Variants in FBXO16 observed in about 807,000 individuals in gnomAD.
The protein encoded by FBXO16 is F-box protein 16, also known as F-box only protein 16.
FBXO16 carries 31 observed loss-of-function variants against 41.0 expected under a neutral mutation model. That is an observed-to-expected ratio of 0.76 (90% confidence interval 0.57 to 1.02). The LOEUF is 1.02. FBXO16 is among the 50% of genes least tolerant of loss of function. FBXO16 has a pLI of 0.00. For missense variants in FBXO16, 361 were observed against 346.2 expected, an observed-to-expected ratio of 1.04 and a Z score of -0.34; for synonymous variants, 133 against 117.8, an observed-to-expected ratio of 1.13 and a Z score of -0.84.
intron 6 of FBXO16, among the ~76,000 whole-genome samples, chr8:28,448,068 GGTGA>G (rs1554525464): frequency 1.3e-5 from 2 of 152,166 alleles, no homozygotes; most frequent in Non-Finnish European, 2.9e-5. Flanking sequence ...AGCTGGGCAC[GGTGA>G]CTCATGCCCG....
chr8:28,479,425 T>G (rs1803477038), intron 2 of FBXO16, among the ~76,000 whole-genome samples: 1 of 152,172 alleles, frequency 6.6e-6, no homozygotes, highest in African/African-American at 2.4e-5. Context: ...TCAGGCAATT[T>G]TTTGCCTCCT....
At chr8:28,444,858 C>G (rs1415797122) in intron 7 of FBXO16, among the ~76,000 whole-genome samples, 1 of 145,762 alleles carries the variant, frequency 6.9e-6, no homozygotes, top group Admixed American at 6.9e-5. Flanking sequence ...GTCTCAATCC[C>G]CTAACCTCGT....
intron 7 of FBXO16, among the ~76,000 whole-genome samples, chr8:28,441,930 G>A (rs1223635789): frequency 3.3e-4 from 40 of 121,936 alleles, no homozygotes; most frequent in African/African-American, 1.6e-3. Context: ...GTGTGTGTGT[G>A]TGTGTGTGTG....
At chr8:28,446,763 T>C (rs1005014423) in intron 7 of FBXO16, among the ~76,000 whole-genome samples, 8 of 151,708 alleles carry the variant, frequency 5.3e-5, no homozygotes, top group Admixed American at 3.9e-4. Context: ...CCCAGCTACT[T>C]GGGAGGCTGA....
Position 28,452,923 on chromosome 8 carries a change from G to T in FBXO16, c.508-447C>A, listed in dbSNP as rs868797504. ...TGAAGGATAAAAAAATAAAAAAAAA[G>T]AAAAAAAGGAATATCATCATCATCA... On this transcript the variant is annotated intron_variant, in intron 5 of 8. Transcript: ENST00000380254. Among the ~76,000 whole-genome samples, 117 of 143,130 alleles carry T rather than the reference G, an allele frequency of 8.2e-4. No individual in the cohort carries two copies. The Middle Eastern group carries it at 0.01, about 13-fold the overall frequency. The allele number at this position is 143,130 out of a possible 152,430, so 93.9% of individuals were successfully genotyped here.
intron 4 of FBXO16, among the ~76,000 whole-genome samples, chr8:28,462,012 T>A (rs562728987): frequency 6.6e-6 from 1 of 152,084 alleles, no homozygotes; most frequent in Non-Finnish European, 1.5e-5. Flanking sequence ...CAGTCATAGT[T>A]CACTGAAGCC....
chr8:28,440,796 C>G (rs1056421473), intron 7 of FBXO16, among the ~76,000 whole-genome samples: 6 of 152,160 alleles, frequency 3.9e-5, no homozygotes, highest in African/African-American at 7.2e-5. Flanking sequence ...AAACGGCAGG[C>G]TTTTTGAAAT....
At chr8:28,486,036 G>A (rs1803596259) in intron 1 of FBXO16, among the ~76,000 whole-genome samples, 1 of 151,302 alleles carries the variant, frequency 6.6e-6, no homozygotes, top group African/African-American at 2.4e-5. Flanking sequence ...AACCCAGGAG[G>A]TGGAGGTTGC....
chr8:28,476,763 C>T (rs896375519), intron 2 of FBXO16, among the ~76,000 whole-genome samples: 9 of 152,078 alleles, frequency 5.9e-5, no homozygotes, highest in African/African-American at 2.2e-4. Context: ...TTGATGGTAA[C>T]TGGGTGCTTT....
chr8:28,452,047 C>CA (rs112648945), intron 6 of FBXO16, among the ~76,000 whole-genome samples, 197 bp downstream of exon 6: 5,490 of 149,344 alleles, frequency 0.037, 277 homozygotes, highest in African/African-American at 0.12. Context: ...ATTACTATTA[C>CA]AAAATGCAAA....
Position 28,444,459 on chromosome 8 carries a change from T to G in FBXO16, c.843+2712A>C, listed in dbSNP as rs1563359656. ...CTGGTACTACAGGCGTGTGCCAACATGCCCGGCTAATTTTTTCTTTTCTTT... is the reference window on the plus strand; with the variant it reads ...CTGGTACTACAGGCGTGTGCCAACAGGCCCGGCTAATTTTTTCTTTTCTTT... On this transcript the variant is annotated intron_variant, in intron 7 of 8. Transcript: ENST00000380254. 2.7e-5 allele frequency among the ~76,000 whole-genome samples: 4 copies of G among 149,256 alleles called. No individual in the cohort carries two copies. The South Asian group carries it at 8.5e-4, about 32-fold the overall frequency.
At chr8:28,453,751 T>A (rs939458411) in intron 5 of FBXO16, among the ~76,000 whole-genome samples, 6 of 151,972 alleles carry the variant, frequency 3.9e-5, no homozygotes, top group Non-Finnish European at 1.5e-5. Context: ...TAACGCTTAG[T>A]ACTCAGTGTT....
chr8:28,474,827 T>A (rs147602822), intron 2 of FBXO16, among the ~76,000 whole-genome samples: 56 of 152,356 alleles, frequency 3.7e-4, no homozygotes, highest in African/African-American at 1.3e-3. Context: ...ATTGAAAGAA[T>A]GTGATTGTGA....
intron 5 of FBXO16, among the ~76,000 whole-genome samples, chr8:28,454,741 AAAAAAAAAAAGG>A (rs1359784007): frequency 6.6e-5 from 7 of 105,416 alleles, no homozygotes; most frequent in African/African-American, 1.6e-4. Context: ...AAAAAAAAAA[AAAAAAAAAAAGG>A]ATCATTAATT....
intron 7 of FBXO16, among the ~76,000 whole-genome samples, chr8:28,443,021 T>C (rs1433413166): frequency 7.2e-6 from 1 of 139,282 alleles, no homozygotes; most frequent in Non-Finnish European, 1.5e-5. Flanking sequence ...ATATTACTTG[T>C]ACTTTTTTTT....
intron 3 of FBXO16, among the ~76,000 whole-genome samples, chr8:28,472,855 G>A (rs1447233116): frequency 6.6e-6 from 1 of 152,198 alleles, no homozygotes; most frequent in Admixed American, 6.5e-5. Flanking sequence ...AACTGAGGGA[G>A]GAGAAACTTA....
intron 6 of FBXO16, 107 bp downstream of exon 6, chr8:28,452,137 A>G (rs1030095756): frequency 4.5e-6 from 5 of 1,105,682 alleles, no homozygotes; most frequent in Non-Finnish European, 6.4e-6. Context: ...TGTACTGAAA[A>G]GCTTTTGTAT....
chr8:28,475,495 G>A (rs915197292), intron 2 of FBXO16, among the ~76,000 whole-genome samples: 1 of 152,212 alleles, frequency 6.6e-6, no homozygotes, highest in Non-Finnish European at 1.5e-5. Context: ...AGGAGAATCT[G>A]TAGAACACAG....
intron 3 of FBXO16, among the ~76,000 whole-genome samples, chr8:28,471,547 AATAAAG>A (rs1239036518): frequency 2.0e-5 from 3 of 152,162 alleles, no homozygotes; most frequent in African/African-American, 7.2e-5. Flanking sequence ...CAGAAATGTA[AATAAAG>A]ATAAATTATA....
Sources: allele counts gnomAD v4.1 joint callset (sites outside exome capture counted in the v4.1 genomes callset), GRCh38; gene constraint gnomAD v4.1.1; transcripts MANE v1.5; gene names NCBI Gene and HGNC (gene_info 2026-07-23, HGNC 2026-07-21).